ZC2HC1B: variants seen among roughly 807,000 people sequenced by gnomAD.
The protein encoded by ZC2HC1B is zinc finger C2HC domain-containing protein 1B.
A neutral mutation model predicts 31.0 loss-of-function variants in ZC2HC1B; 36 were observed. The ratio of observed to expected loss-of-function variants is 1.16; its 90% confidence interval spans 0.89 to 1.54. ZC2HC1B has a LOEUF of 1.54. ZC2HC1B is among the 40% of genes most tolerant of loss of function. The pLI is 0.00. For missense variants in ZC2HC1B, 260 were observed against 268.6 expected (o/e 0.97, Z 0.22); for synonymous variants, 73 against 88.0 (o/e 0.83, Z 0.95).
At chr6:143,876,814 T>G (rs756422877) in intron 1 of ZC2HC1B, among the ~76,000 whole-genome samples, 20 of 150,200 alleles carry the variant, frequency 1.3e-4, no homozygotes, top group Non-Finnish European at 2.7e-4. Flanking sequence ...GCTAGGAGGT[T>G]AGGCCAGTCT....
chr6:143,890,071 A>G (rs1350234643), intron 4 of ZC2HC1B, among the ~76,000 whole-genome samples: 1 of 152,186 alleles, frequency 6.6e-6, no homozygotes, highest in African/African-American at 2.4e-5. Context: ...GGATCTAAGA[A>G]GAAATCACAA....
At position 143,887,081 on chromosome 6, in the gene ZC2HC1B, A is replaced by G. The variant is rs760989588; in HGVS notation, c.349+260A>G. On this transcript the variant is annotated intron_variant, in intron 4 of 7. Coordinates refer to ENST00000237275, the MANE Select transcript of ZC2HC1B (RefSeq NM_001013623.3). The surrounding 1 kb of genome is among the most constrained non-coding windows in gnomAD (Gnocchi z 5.1). ...AGAAACACCAGACACCTCTTAGCCGATAGGTATGGAGCTATGCAGAGCAAA... is the reference window on the plus strand; with the variant it reads ...AGAAACACCAGACACCTCTTAGCCGGTAGGTATGGAGCTATGCAGAGCAAA... Among the ~76,000 whole-genome samples the G allele has an allele frequency of 5.3e-5, 8 of 152,160 alleles. No individual in the cohort carries two copies. Among genetic ancestry groups the G allele is most frequent in the Non-Finnish European group, 1.0e-4 (7 of 68,038 alleles).
rs886069503 is a variant in ZC2HC1B at position 143,886,599 on chromosome 6, T to C, written c.211-84T>C. 7.7e-7 allele frequency: 1 copy of C among 1,296,634 alleles called. No individual in the cohort carries two copies. Among genetic ancestry groups the C allele is most frequent in the Non-Finnish European group, 1.0e-6 (1 of 996,988 alleles). 80.3% of individuals were successfully genotyped at this position (1,296,634 alleles called of 1,614,324 possible). ...CCAATTTTCACAGTTCTGTTTCCTGTGAATTCAAATTCCAGCTTTAAACAA... is the reference window on the plus strand; with the variant it reads ...CCAATTTTCACAGTTCTGTTTCCTGCGAATTCAAATTCCAGCTTTAAACAA... On this transcript the variant is annotated intron_variant, in intron 3 of 7. Coordinates refer to ENST00000237275, the MANE Select transcript of ZC2HC1B (RefSeq NM_001013623.3). This position sits in a 1 kb window ranked among gnomAD's most constrained non-coding sequence, Gnocchi z 4.2.
chr6:143,885,343 C>G lies in ZC2HC1B; in HGVS notation c.91-689C>G, dbSNP rs761003364. Among the ~76,000 whole-genome samples, 5 of 152,158 alleles carry G rather than the reference C, an allele frequency of 3.3e-5. No homozygotes were observed. Among genetic ancestry groups the G allele is most frequent in the Non-Finnish European group, 7.3e-5 (5 of 68,040 alleles). ...CCTTTGCCAGACTGGAGCCACACCCCCTGAGAATTAGTTTGAGACCTGGGA... is the reference window on the plus strand; with the variant it reads ...CCTTTGCCAGACTGGAGCCACACCCGCTGAGAATTAGTTTGAGACCTGGGA... On this transcript the variant is annotated intron_variant, in intron 2 of 7. Transcript: ENST00000237275. This position sits in a 1 kb window ranked among gnomAD's most constrained non-coding sequence, Gnocchi z 4.2.
chr6:143,917,861 A>T lies in ZC2HC1B; in HGVS notation c.598+14709A>T, dbSNP rs1777936886. Among the ~76,000 whole-genome samples, 1 of 152,252 alleles carries T rather than the reference A, an allele frequency of 6.6e-6. No individual in the cohort carries two copies. The highest frequency in any genetic ancestry group is 2.1e-4 in the South Asian group (1 of 4,838). On this transcript the variant is annotated intron_variant, in intron 6 of 7. Coordinates refer to ENST00000237275, the MANE Select transcript of ZC2HC1B (RefSeq NM_001013623.3). This position sits in a 1 kb window ranked among gnomAD's most constrained non-coding sequence, Gnocchi z 4.1. ...AAATTATGTATAAAACAAAACGTGG[A>T]GTTACAAACCAGTTACAGTACTAGT...
rs1424267636 is a variant in ZC2HC1B, at chr6:143,886,035, A to G, written c.94A>G (p.Arg32Gly). The part of the protein sequence containing the change: ...GRRFAADVLE[R>G]HGPICKKLFN... The stretch of plus-strand genomic sequence containing the variant: ...ATCCCTACTCTTCGTTTTCTAGGAA[A>G]GGCATGGACCAATATGTAAGAAACT... Residue 32 changes from arginine to glycine, a missense_variant, in exon 3 of 8, where the codon AGG (arginine) becomes GGG (glycine). By Grantham distance (125) the Arg-to-Gly change is moderately radical. Transcript: ENST00000237275. The surrounding 1 kb of genome is among the most constrained non-coding windows in gnomAD (Gnocchi z 4.2). 1 of 1,520,268 alleles carries G rather than the reference A, an allele frequency of 6.6e-7. No individual in the cohort carries two copies. The highest frequency in any genetic ancestry group is 8.8e-7 in the Non-Finnish European group (1 of 1,137,212). 94.2% of individuals were successfully genotyped at this position (1,520,268 alleles called of 1,614,324 possible).
intron 7 of ZC2HC1B, 131 bp downstream of exon 7, chr6:143,937,864 T>C: frequency 1.6e-6 from 1 of 607,760 alleles, no homozygotes; most frequent in Non-Finnish European, 2.8e-6. Context: ...AAATGTATGC[T>C]CTTGAAACTG....
chr6:143,893,772 C>T (rs773013233), intron 4 of ZC2HC1B, among the ~76,000 whole-genome samples: 36 of 151,856 alleles, frequency 2.4e-4, no homozygotes, highest in Non-Finnish European at 4.3e-4. Flanking sequence ...CTGCAAGCTC[C>T]GCCTCCCAGG....
chr6:143,886,193 C>A lies in ZC2HC1B; in HGVS notation c.210+42C>A, dbSNP rs537987837. 1 of 1,464,852 alleles carries A rather than the reference C, an allele frequency of 6.8e-7. No homozygotes were observed. Among genetic ancestry groups the A allele is most frequent in the Non-Finnish European group, 9.0e-7 (1 of 1,109,742 alleles). The allele number at this position is 1,464,852 out of a possible 1,614,324, so 90.7% of individuals were successfully genotyped here. On this transcript the variant is annotated intron_variant, in intron 3 of 7. Coordinates refer to ENST00000237275, the MANE Select transcript of ZC2HC1B (RefSeq NM_001013623.3). The surrounding 1 kb of genome is among the most constrained non-coding windows in gnomAD (Gnocchi z 4.2). ...CTTTAGTGTTTGTTATTACATTCTGCGGTACTGTAAGGCCTATTTCTGGGA... is the reference window on the plus strand; with the variant it reads ...CTTTAGTGTTTGTTATTACATTCTGAGGTACTGTAAGGCCTATTTCTGGGA...
chr6:143,869,454 T>G lies in ZC2HC1B; in HGVS notation c.28+4887T>G, dbSNP rs1777310083. Among the ~76,000 whole-genome samples the G allele has an allele frequency of 6.6e-6, 1 of 152,230 alleles. No individual in the cohort carries two copies. The highest frequency in any genetic ancestry group is 2.4e-5 in the African/African-American group (1 of 41,466). On this transcript the variant is annotated intron_variant, in intron 1 of 7. Transcript: ENST00000237275. This position sits in a 1 kb window ranked among gnomAD's most constrained non-coding sequence, Gnocchi z 5.2. ...GTGAATTCCATGAGCATGCGCCCAC[T>G]GCTGCACTTCTTTATCTGTAAAGTG...
chr6:143,923,917 CTA>C lies in ZC2HC1B; in HGVS notation c.599-13730_599-13729del, dbSNP rs1778008205. 6.6e-6 allele frequency among the ~76,000 whole-genome samples: 1 copy of C among 151,882 alleles called. No homozygotes were observed. Among genetic ancestry groups the C allele is most frequent in the Admixed American group, 6.6e-5 (1 of 15,236 alleles). ...CTTTGTTTTTTTTTACTCAGGAACA[CTA>C]TGGCTATTTGAGCTCTTTAATGGTT... On this transcript the variant is annotated intron_variant, in intron 6 of 7. Coordinates refer to ENST00000237275, the MANE Select transcript of ZC2HC1B (RefSeq NM_001013623.3). The surrounding 1 kb of genome is among the most constrained non-coding windows in gnomAD (Gnocchi z 4.8).
At chr6:143,874,026 TC>T in intron 1 of ZC2HC1B, among the ~76,000 whole-genome samples, 1 of 152,362 alleles carries the variant, frequency 6.6e-6, no homozygotes, top group South Asian at 2.1e-4. Context: ...ATCGTCTATT[TC>T]CCTTTTAAAA....
chr6:143,937,630 T>C lies in ZC2HC1B; in HGVS notation c.599-19T>C, dbSNP rs1778194094. 6.5e-7 allele frequency: 1 copy of C among 1,537,292 alleles called. No homozygotes were observed. Among genetic ancestry groups the C allele is most frequent in the Admixed American group, 2.1e-5 (1 of 48,102 alleles). ...TGTTCTGCTTTGACATAATAACAAA[T>C]CTGTTTATGTTTGCAAAGGATTAGC... On this transcript the variant is annotated intron_variant, in intron 6 of 7. Coordinates refer to ENST00000237275, the MANE Select transcript of ZC2HC1B (RefSeq NM_001013623.3).
chr6:143,936,296 G>T (rs1020886493), intron 6 of ZC2HC1B, among the ~76,000 whole-genome samples: 1 of 152,142 alleles, frequency 6.6e-6, no homozygotes, highest in Non-Finnish European at 1.5e-5. Context: ...TCACAATAGC[G>T]TGAGGAGGTC....
Position 143,885,378 on chromosome 6 carries a change from T to A in ZC2HC1B, c.91-654T>A, listed in dbSNP as rs780805931. ...AGTTTGAGACCTGGGAGGTTCCATT[T>A]GCAGAGGGATCTCTAAATGTCAGGT... On this transcript the variant is annotated intron_variant, in intron 2 of 7. Coordinates refer to ENST00000237275, the MANE Select transcript of ZC2HC1B (RefSeq NM_001013623.3). The surrounding 1 kb of genome is among the most constrained non-coding windows in gnomAD (Gnocchi z 4.2). Among the ~76,000 whole-genome samples the A allele has an allele frequency of 2.6e-5, 4 of 152,238 alleles. No individual in the cohort carries two copies. Among genetic ancestry groups the A allele is most frequent in the African/African-American group, 4.8e-5 (2 of 41,464 alleles).
rs1413223766 is a variant in ZC2HC1B at position 143,905,646 on chromosome 6, A to G, written c.598+2494A>G. Reference sequence around the variant, plus strand: ...TTGCATTGTTCTTGATCTCAGAGGGAAAGTTTTCAGTCTTTCAGCATTGAG... The same window carrying G: ...TTGCATTGTTCTTGATCTCAGAGGGGAAGTTTTCAGTCTTTCAGCATTGAG... On this transcript the variant is annotated intron_variant, in intron 6 of 7. Coordinates refer to ENST00000237275, the MANE Select transcript of ZC2HC1B (RefSeq NM_001013623.3). This position sits in a 1 kb window ranked among gnomAD's most constrained non-coding sequence, Gnocchi z 4.2. 6.6e-6 allele frequency among the ~76,000 whole-genome samples: 1 copy of G among 152,124 alleles called. No individual in the cohort carries two copies. Among genetic ancestry groups the G allele is most frequent in the East Asian group, 1.9e-4 (1 of 5,200 alleles).
In ZC2HC1B at chr6:143,885,641, A is replaced by G. The variant is rs902985334; in HGVS notation, c.91-391A>G. ...GAGAGGGCCAAGGTCCCATAGTGGT[A>G]CAGTAGCACATTTTATACAGGTGGT... On this transcript the variant is annotated intron_variant, in intron 2 of 7. Transcript: ENST00000237275. The surrounding 1 kb of genome is among the most constrained non-coding windows in gnomAD (Gnocchi z 4.2). Among the ~76,000 whole-genome samples the G allele has an allele frequency of 1.3e-5, 2 of 152,212 alleles. No individual in the cohort carries two copies. Among genetic ancestry groups the G allele is most frequent in the Admixed American group, 1.3e-4 (2 of 15,278 alleles).
chr6:143,892,479 G>T (rs1777612317), intron 4 of ZC2HC1B, among the ~76,000 whole-genome samples: 1 of 151,996 alleles, frequency 6.6e-6, no homozygotes. Context: ...TGTATTTTTG[G>T]TAGAGGTGGG....
intron 1 of ZC2HC1B, among the ~76,000 whole-genome samples, chr6:143,876,428 C>G (rs1411106339): frequency 6.6e-6 from 1 of 150,396 alleles, no homozygotes; most frequent in Non-Finnish European, 1.5e-5. Context: ...ATGCCAAAGT[C>G]TATCAGTGTT....
Sources: gnomAD v4.1 joint callset for allele counts (sites outside exome capture counted in the v4.1 genomes callset) on GRCh38, gnomAD v4.1.1 for gene constraint, Gnocchi (gnomAD v3.1) non-coding constraint, MANE v1.5 for transcripts, NCBI Gene and HGNC (gene_info 2026-07-23, HGNC 2026-07-21) for gene names.